SVIL: variants seen among roughly 807,000 people sequenced by gnomAD.
SVIL encodes supervillin.
In SVIL, 101 loss-of-function variants were observed where a neutral mutation model predicts 240.4. The ratio of observed to expected loss-of-function variants is 0.42; its 90% CI spans 0.36 to 0.50. The LOEUF (loss-of-function observed/expected upper bound fraction) is 0.50, where lower values mean the gene tolerates loss of function less well. Ranked by LOEUF, SVIL falls within the 20% of genes least tolerant of loss-of-function variation. The pLI, the probability that SVIL is intolerant of heterozygous loss-of-function variation, is 0.01. For missense variants in SVIL, 2,512 were observed against 2,818.7 expected (o/e 0.89, Z 2.46); for synonymous variants, 999 against 1,100.0 (o/e 0.91, Z 1.82).
intron 2 of SVIL, among the ~76,000 whole-genome samples, chr10:29,668,620 C>T (rs534435211): frequency 7.9e-5 from 12 of 152,140 alleles, no homozygotes; most frequent in Non-Finnish European, 1.5e-5. Context: ...ACTACAGGCA[C>T]GTGCTACCAC....
At chr10:29,472,457 A>C (rs1945697074) in intron 30 of SVIL, among the ~76,000 whole-genome samples, 1 of 152,238 alleles carries the variant, frequency 6.6e-6, no homozygotes. Flanking sequence ...TGCTATCGTT[A>C]ATCATTCATC....
chr10:29,461,156 C>T (rs1944211853), intron 36 of SVIL, among the ~76,000 whole-genome samples: 1 of 152,190 alleles, frequency 6.6e-6, no homozygotes, highest in African/African-American at 2.4e-5. Flanking sequence ...CTATGCTTGT[C>T]TCAGTGATTG....
intron 3 of SVIL, among the ~76,000 whole-genome samples, chr10:29,650,023 C>A (rs2133007605): frequency 6.6e-6 from 1 of 152,306 alleles, no homozygotes; most frequent in Non-Finnish European, 1.5e-5. Flanking sequence ...AGGCCCTCAC[C>A]AGATGCAGCC....
intron 1 of SVIL, among the ~76,000 whole-genome samples, chr10:29,632,947 C>A (rs1331786772): frequency 6.6e-6 from 1 of 152,134 alleles, no homozygotes; most frequent in Non-Finnish European, 1.5e-5. Flanking sequence ...CAAGACATCA[C>A]CGGGTGCCGG....
At chr10:29,485,100 C>T (rs1427828837) in intron 26 of SVIL, among the ~76,000 whole-genome samples, 2 of 152,024 alleles carry the variant, frequency 1.3e-5, no homozygotes, top group African/African-American at 4.8e-5. Flanking sequence ...CTGCTTACAA[C>T]TTGCGATTCA....
chr10:29,473,796 G>A (rs573965308), intron 30 of SVIL, 42 bp downstream of exon 30: 1 of 1,610,096 alleles, frequency 6.2e-7, no homozygotes, highest in Admixed American at 1.7e-5. Flanking sequence ...AGGAGAGGAT[G>A]CTCCTCTCAG....
intron 1 of SVIL, among the ~76,000 whole-genome samples, chr10:29,692,965 T>C (rs1313533555): frequency 6.6e-6 from 1 of 152,160 alleles, no homozygotes; most frequent in Non-Finnish European, 1.5e-5. Flanking sequence ...AGTGTTCCAT[T>C]ATTGGAACGC....
chr10:29,729,767 G>A (rs568868066), intron 1 of SVIL, among the ~76,000 whole-genome samples: 193 of 135,192 alleles, frequency 1.4e-3, no homozygotes, highest in African/African-American at 5.0e-3. Context: ...CCAGGAGGCA[G>A]AGGTTGCAGT....
chr10:29,680,488 G>T (rs1205193476), intron 2 of SVIL, among the ~76,000 whole-genome samples: 14 of 152,350 alleles, frequency 9.2e-5, no homozygotes, highest in Non-Finnish European at 1.0e-4. Context: ...GGGGCCGTGG[G>T]ATGGGAGCCT....
chr10:29,648,421 C>T (rs960807668), intron 3 of SVIL, among the ~76,000 whole-genome samples: 4 of 152,188 alleles, frequency 2.6e-5, no homozygotes, highest in South Asian at 2.1e-4. Context: ...GCAGAAAAGA[C>T]GGAATCAGTA....
At chr10:29,648,868 A>G (rs760682619) in intron 3 of SVIL, among the ~76,000 whole-genome samples, 2 of 151,906 alleles carry the variant, frequency 1.3e-5, no homozygotes, top group African/African-American at 2.4e-5. Context: ...CTGGGCATAG[A>G]GGCTCATGCC....
chr10:29,561,063 C>T (rs1324762159), intron 3 of SVIL, among the ~76,000 whole-genome samples: 1 of 150,808 alleles, frequency 6.6e-6, no homozygotes, highest in Non-Finnish European at 1.5e-5. Flanking sequence ...CCTCGTAATC[C>T]ACCTGCCTTG....
rs1944350499 is a variant in SVIL at position 29,462,263 on chromosome 10, G to A, written c.6402+14C>T. On this transcript the variant is annotated intron_variant, in intron 36 of 37. Coordinates refer to ENST00000355867, the MANE Select transcript of SVIL (RefSeq NM_021738.3). ...CGCAGGAGCCACCTTCATAGGGCAG[G>A]AAAGCGTGCTCACCATCTCTGTGAT... The A allele has an allele frequency of 6.2e-7, 1 of 1,613,504 alleles. No individual in the cohort carries two copies. Among genetic ancestry groups the A allele is most frequent in the Admixed American group, 1.7e-5 (1 of 59,892 alleles).
chr10:29,493,324 A>C lies in SVIL; in HGVS notation c.3909T>G (p.Asp1303Glu), dbSNP rs753880182. Residue 1303 changes from aspartate (D) to glutamate (E), a missense_variant, in exon 21 of 38, where the codon GAT (aspartate) becomes GAG (glutamate). Around this residue, in one of 3 missense-constraint regions of SVIL, gnomAD observed 272 missense variants for 406.8 expected, o/e 0.67. Transcript: ENST00000355867. ...GKSVKEVMKP[D>E]DDETFAKFYR... ...AAAATTTGGCAAAGGTTTCATCATC[A>C]TCTGGCTTCATCACCTCCTTCACAG... The C allele has an allele frequency of 6.2e-7, 1 of 1,614,168 alleles. No individual in the cohort carries two copies. The highest frequency in any genetic ancestry group is 8.5e-7 in the Non-Finnish European group (1 of 1,180,036).
intron 32 of SVIL, 23 bp downstream of exon 32, chr10:29,470,253 C>G (rs779648628): frequency 1.2e-6 from 2 of 1,612,912 alleles, no homozygotes; most frequent in South Asian, 1.1e-5. Context: ...TGTGGGGGGA[C>G]TCGCCGCAGA....
chr10:29,468,660 A>G (rs2132299813), intron 32 of SVIL, among the ~76,000 whole-genome samples: 1 of 151,952 alleles, frequency 6.6e-6, no homozygotes, highest in Admixed American at 6.6e-5. Context: ...ATGTACATAT[A>G]TATATGGGGT....
intron 13 of SVIL, 64 bp from the exon 14 acceptor site, chr10:29,524,779 A>G (rs761568981): frequency 1.9e-6 from 3 of 1,591,370 alleles, no homozygotes; most frequent in Non-Finnish European, 2.6e-6. Flanking sequence ...CTAAGTTTCT[A>G]CGTTAACTTT....
intron 17 of SVIL, among the ~76,000 whole-genome samples, chr10:29,500,925 C>A (rs1005654945): frequency 2.6e-5 from 4 of 152,094 alleles, no homozygotes; most frequent in Non-Finnish European, 4.4e-5. Flanking sequence ...ATTTTCTTAA[C>A]CCCTGGAATG....
intron 1 of SVIL, among the ~76,000 whole-genome samples, chr10:29,632,320 G>A (rs1958129562): frequency 6.6e-6 from 1 of 151,894 alleles, no homozygotes; most frequent in African/African-American, 2.4e-5. Context: ...ATGAAACCCT[G>A]TCTCTACTAA....
Sources: gnomAD v4.1 joint callset for allele counts (sites outside exome capture counted in the v4.1 genomes callset) on GRCh38, gnomAD v4.1.1 for gene constraint, gnomAD v4.1.1 regional missense constraint, MANE v1.5 for transcripts, NCBI Gene and HGNC (gene_info 2026-07-23, HGNC 2026-07-21) for gene names.